Variants in DENND2B observed in about 807,000 individuals in gnomAD.
DENND2B encodes the protein DENN domain containing 2B.
Under a neutral mutation model 116.0 loss-of-function variants are expected in DENND2B, and 32 were observed. The observed-to-expected ratio is 0.28, with a 90% confidence interval of 0.21 to 0.37. The LOEUF (loss-of-function observed/expected upper bound fraction) is 0.37. DENND2B is among the 10% of genes least tolerant of loss of function. DENND2B has a pLI of 1.00. For synonymous variants in DENND2B, 588 were observed against 583.9 expected (o/e 1.01, Z -0.10); for missense variants, 1,276 against 1,477.7 (o/e 0.86, Z 2.24).
intron 1 of DENND2B, among the ~76,000 whole-genome samples, chr11:8,756,486 T>C (rs1363014602): frequency 2.0e-5 from 3 of 152,234 alleles, no homozygotes; most frequent in African/African-American, 7.2e-5. Flanking sequence ...AGAAGTGGCC[T>C]GGGAATTCAG....
intron 5 of DENND2B, 51 bp downstream of exon 5, chr11:8,717,684 AGGCCCC>A: frequency 6.8e-7 from 1 of 1,475,338 alleles, no homozygotes; most frequent in South Asian, 1.5e-5. Flanking sequence ...TTGGAAGAGC[AGGCCCC>A]CACTGTGGCC....
chr11:8,853,026 G>T (rs187092288), intron 3 of DENND2B, among the ~76,000 whole-genome samples: 74 of 152,312 alleles, frequency 4.9e-4, no homozygotes, highest in Non-Finnish European at 9.0e-4. Flanking sequence ...GAGGTGATTA[G>T]ATCACCAGGG....
Position 8,729,954 on chromosome 11 carries a change from T to C in DENND2B, c.1336A>G (p.Ser446Gly). 1 of 1,614,018 alleles carries C rather than the reference T, an allele frequency of 6.2e-7. No homozygotes were observed. The highest frequency in any genetic ancestry group is 8.5e-7 in the Non-Finnish European group (1 of 1,179,940). ...KDMRGHRKSQ[S>G]RKSFEFEDAS... ...CACCGGAGGGGCATGCATTACCTGCTCTGGGACTTGCGGTGACCACGCATG... is the reference window on the plus strand; with the variant it reads ...CACCGGAGGGGCATGCATTACCTGCCCTGGGACTTGCGGTGACCACGCATG... The change falls in exon 3 of 20, where the codon AGC (serine) becomes GGC (glycine). Residue 446 changes from serine to glycine, a missense_variant. Around this residue, in one of 2 missense-constraint regions of DENND2B, gnomAD observed 856 missense variants for 846.6 expected, o/e 1.01. Coordinates refer to ENST00000313726, the MANE Select transcript of DENND2B (RefSeq NM_213618.2).
chr11:8,877,040 C>T (rs890130076), intron 2 of DENND2B, among the ~76,000 whole-genome samples: 15 of 151,770 alleles, frequency 9.9e-5, no homozygotes, highest in Admixed American at 6.6e-5. Context: ...CCTGGATGGT[C>T]CCCTCACTCC....
At chr11:8,803,278 G>A (rs2060512955) in intron 1 of DENND2B, among the ~76,000 whole-genome samples, 1 of 152,162 alleles carries the variant, frequency 6.6e-6, no homozygotes, top group African/African-American at 2.4e-5. Context: ...CCAGCTACTG[G>A]GGAGGCTGAG....
At chr11:8,859,832 C>A (rs1446399887) in intron 2 of DENND2B, among the ~76,000 whole-genome samples, 1 of 152,152 alleles carries the variant, frequency 6.6e-6, no homozygotes, top group African/African-American at 2.4e-5. Flanking sequence ...ATCTGCCATG[C>A]CATTTTCCCA....
At chr11:8,723,870 C>CT (rs1403530174) in intron 4 of DENND2B, among the ~76,000 whole-genome samples, 3 of 152,258 alleles carry the variant, frequency 2.0e-5, no homozygotes, top group African/African-American at 7.2e-5. Context: ...ACTATACGCT[C>CT]TGTTCCTGGG....
intron 2 of DENND2B, among the ~76,000 whole-genome samples, chr11:8,867,793 G>C (rs1388662490): frequency 1.3e-5 from 2 of 151,810 alleles, no homozygotes; most frequent in East Asian, 1.9e-4. Flanking sequence ...ATGTTGCCCA[G>C]GCTGGTCTCC....
At chr11:8,898,841 G>A (rs1289834512) in intron 1 of DENND2B, among the ~76,000 whole-genome samples, 2 of 152,160 alleles carry the variant, frequency 1.3e-5, no homozygotes, top group Non-Finnish European at 2.9e-5. Context: ...AAAAAGTGGG[G>A]CCCATATATA....
chr11:8,698,137 CAAAAAAA>C (rs33975736), intron 16 of DENND2B, among the ~76,000 whole-genome samples: 30 of 39,826 alleles, frequency 7.5e-4, no homozygotes, highest in Admixed American at 4.5e-3. Flanking sequence ...ACCCTGTCTC[CAAAAAAA>C]AAAAAAAAAA....
intron 4 of DENND2B, among the ~76,000 whole-genome samples, chr11:8,819,748 G>A (rs1594097360): frequency 6.6e-6 from 1 of 152,332 alleles, no homozygotes; most frequent in Non-Finnish European, 1.5e-5. Context: ...GACAAGGACA[G>A]ACTGAGGAAT....
At position 8,731,054 on chromosome 11, in the gene DENND2B, T is replaced by C. The variant is rs749694375; in HGVS notation, c.236A>G (p.Asn79Ser). ...AGTATCTGGGGAGGGATCTTGAGGA[T>C]TCTGGGGTGAAGGAGCTGGGGGGTG... The part of the protein sequence containing the change: ...DRHPPAPSPQ[N>S]PQDPSPDTSP... The change falls in exon 3 of 20, where the codon AAT becomes AGT. Residue 79 changes from asparagine (N) to serine (S), a missense_variant. Asn to Ser is a conservative substitution (Grantham distance 46, BLOSUM62 1). Transcript: ENST00000313726. 6.2e-7 allele frequency: 1 copy of C among 1,613,896 alleles called. No homozygotes were observed. Among genetic ancestry groups the C allele is most frequent in the South Asian group, 1.1e-5 (1 of 91,074 alleles).
At chr11:8,886,970 A>T (rs954230588) in intron 1 of DENND2B, among the ~76,000 whole-genome samples, 1 of 152,150 alleles carries the variant, frequency 6.6e-6, no homozygotes, top group Non-Finnish European at 1.5e-5. Context: ...CTGGGACTAC[A>T]GGCATGTGCC....
At chr11:8,726,376 G>T in intron 3 of DENND2B, 167 bp from the exon 4 acceptor site, 1 of 865,824 alleles carries the variant, frequency 1.2e-6, no homozygotes, top group Non-Finnish European at 1.7e-6. Context: ...GAGACAGATG[G>T]TCTGAAAGGC....
chr11:8,714,489 C>A, intron 7 of DENND2B, 121 bp downstream of exon 7: 1 of 802,690 alleles, frequency 1.2e-6, no homozygotes. Context: ...CTGTCTGCTC[C>A]TCCCTCCTAC....
intron 4 of DENND2B, 121 bp downstream of exon 4, chr11:8,725,952 G>T: frequency 7.0e-7 from 1 of 1,431,804 alleles, no homozygotes; most frequent in Non-Finnish European, 9.6e-7. Context: ...TCCAGGAGGA[G>T]TTCCAGAAGG....
chr11:8,777,735 T>C (rs1307716855), intron 1 of DENND2B, among the ~76,000 whole-genome samples: 4 of 152,172 alleles, frequency 2.6e-5, no homozygotes, highest in African/African-American at 9.7e-5. Context: ...TAATCTTAGA[T>C]ACCAGGGAAT....
intron 16 of DENND2B, among the ~76,000 whole-genome samples, chr11:8,698,551 C>T (rs922197045): frequency 2.0e-5 from 3 of 152,200 alleles, no homozygotes; most frequent in African/African-American, 7.2e-5. Flanking sequence ...CGTTACATAA[C>T]AATCTATAGT....
intron 5 of DENND2B, among the ~76,000 whole-genome samples, chr11:8,716,124 C>T (rs1104774): frequency 0.13 from 19,960 of 152,182 alleles, 2,092 homozygotes; most frequent in African/African-American, 0.29. Context: ...TGCGGGGGTC[C>T]TCCTGAGCTA....
Sources: allele counts gnomAD v4.1 joint callset (sites outside exome capture counted in the v4.1 genomes callset), GRCh38; gene constraint gnomAD v4.1.1; regional missense constraint gnomAD v4.1.1; transcripts MANE v1.5; gene names NCBI Gene and HGNC (gene_info 2026-07-23, HGNC 2026-07-21).